The following TMEM135 variants were observed in gnomAD, a reference collection of about 807,000 sequenced individuals.
The protein encoded by TMEM135 is peroxisomal membrane protein 52.
In TMEM135, 30 loss-of-function variants were observed where a neutral mutation model predicts 60.3. The observed-to-expected ratio is 0.50, with a 90% confidence interval of 0.37 to 0.68. TMEM135 has a LOEUF of 0.68. TMEM135 is among the 30% of genes least tolerant of loss of function. TMEM135 has a pLI of 0.00. For missense variants in TMEM135, 468 were observed against 548.8 expected, an observed-to-expected ratio of 0.85 and a Z score of 1.47; for synonymous variants, 190 against 186.7, an observed-to-expected ratio of 1.02 and a Z score of -0.14.
At chr11:87,168,159 C>G (rs548159267) in intron 5 of TMEM135, among the ~76,000 whole-genome samples, 1 of 152,198 alleles carries the variant, frequency 6.6e-6, no homozygotes, top group African/African-American at 2.4e-5. Flanking sequence ...GGTGATATCT[C>G]TTTTATCTTT....
intron 4 of TMEM135, among the ~76,000 whole-genome samples, chr11:87,093,442 C>G (rs1857254489): frequency 6.6e-6 from 1 of 152,088 alleles, no homozygotes; most frequent in Non-Finnish European, 1.5e-5. Context: ...GACTCTTGGG[C>G]TCGAGTGATC....
chr11:87,081,405 G>C (rs1205047759), intron 3 of TMEM135, among the ~76,000 whole-genome samples: 1 of 150,824 alleles, frequency 6.6e-6, no homozygotes, highest in Non-Finnish European at 1.5e-5. Flanking sequence ...GTTTCTTAAT[G>C]TTACCATTTT....
At chr11:87,057,909 G>T (rs964503751) in intron 1 of TMEM135, among the ~76,000 whole-genome samples, 1 of 152,106 alleles carries the variant, frequency 6.6e-6, no homozygotes, top group Non-Finnish European at 1.5e-5. Flanking sequence ...GACCCAGAGA[G>T]CCAATGTGTA....
intron 1 of TMEM135, among the ~76,000 whole-genome samples, chr11:87,042,312 G>C (rs1949757006): frequency 6.6e-6 from 1 of 152,168 alleles, no homozygotes; most frequent in African/African-American, 2.4e-5. Flanking sequence ...TTTCTTTTGA[G>C]TATGGGGCAG....
intron 4 of TMEM135, among the ~76,000 whole-genome samples, chr11:87,120,448 A>G (rs1858022258): frequency 6.7e-6 from 1 of 149,166 alleles, no homozygotes; most frequent in Admixed American, 6.8e-5. Flanking sequence ...CTTGTATAAT[A>G]AAATATAGCA....
intron 3 of TMEM135, among the ~76,000 whole-genome samples, chr11:87,085,717 G>A (rs1422858264): frequency 3.5e-4 from 53 of 152,018 alleles, no homozygotes; most frequent in Non-Finnish European, 2.8e-4. Context: ...AGATTGAACC[G>A]CTGCACTCCA....
At chr11:87,259,406 G>A (rs7101945) in intron 6 of TMEM135, 85,424 of 239,770 alleles carry the variant, frequency 0.36, 16,043 homozygotes, top group Non-Finnish European at 0.42. Flanking sequence ...ATGTGTGTAC[G>A]CGTGTAGAGC....
intron 5 of TMEM135, among the ~76,000 whole-genome samples, chr11:87,182,402 A>G (rs568436570): frequency 2.6e-5 from 4 of 152,246 alleles, no homozygotes; most frequent in East Asian, 1.9e-4. Context: ...TAATAATTGT[A>G]TATACCTAGT....
At chr11:87,258,266 A>C (rs1329916356) in intron 6 of TMEM135, among the ~76,000 whole-genome samples, 2 of 151,930 alleles carry the variant, frequency 1.3e-5, no homozygotes, top group Non-Finnish European at 2.9e-5. Flanking sequence ...TCTTTTTTTA[A>C]ACACACACAC....
At chr11:87,066,779 C>CTTTTTTTTTTTTTTTT (rs201355341) in intron 1 of TMEM135, among the ~76,000 whole-genome samples, 1 of 129,178 alleles carries the variant, frequency 7.7e-6, no homozygotes, top group African/African-American at 3.0e-5. Flanking sequence ...TTACTAGATT[C>CTTTTTTTTTTTTTTTT]TTTCTTTTTT....
chr11:87,309,695 G>T, intron 10 of TMEM135, 23 bp downstream of exon 10: 1 of 1,608,922 alleles, frequency 6.2e-7, no homozygotes, highest in South Asian at 1.1e-5. Context: ...GAAGAGGAAA[G>T]AAAAATGGGA....
intron 4 of TMEM135, among the ~76,000 whole-genome samples, chr11:87,154,699 G>T (rs926005225): frequency 6.6e-6 from 1 of 152,138 alleles, no homozygotes; most frequent in African/African-American, 2.4e-5. Flanking sequence ...TCTCACTGTG[G>T]TTTTGATTTG....
chr11:87,097,276 C>T (rs1003403287), intron 4 of TMEM135, among the ~76,000 whole-genome samples: 5 of 152,100 alleles, frequency 3.3e-5, no homozygotes, highest in African/African-American at 7.2e-5. Context: ...GGATTACAGG[C>T]GTGAGCCACC....
intron 5 of TMEM135, among the ~76,000 whole-genome samples, chr11:87,178,987 T>C (rs1444811770): frequency 1.3e-5 from 2 of 152,186 alleles, no homozygotes; most frequent in African/African-American, 4.8e-5. Context: ...CATTTTACAT[T>C]GCCACTTGGC....
intron 4 of TMEM135, among the ~76,000 whole-genome samples, chr11:87,140,367 G>A (rs939713113): frequency 6.6e-6 from 1 of 152,106 alleles, no homozygotes; most frequent in African/African-American, 2.4e-5. Context: ...ACGCCCAGCT[G>A]CTTTTTCATT....
At chr11:87,176,231 C>T (rs1040247485) in intron 5 of TMEM135, among the ~76,000 whole-genome samples, 5 of 152,036 alleles carry the variant, frequency 3.3e-5, no homozygotes, top group East Asian at 3.9e-4. Context: ...TGTTAGTTCC[C>T]GTGAGAGCTG....
At chr11:87,240,258 C>T (rs1941100371) in intron 6 of TMEM135, among the ~76,000 whole-genome samples, 1 of 152,014 alleles carries the variant, frequency 6.6e-6, no homozygotes, top group South Asian at 2.1e-4. Flanking sequence ...TTTGTATAAT[C>T]TTAGTGGGCA....
At chr11:87,134,766 G>A (rs550341602) in intron 4 of TMEM135, among the ~76,000 whole-genome samples, 340 of 152,280 alleles carry the variant, frequency 2.2e-3, no homozygotes, top group African/African-American at 5.0e-3. Flanking sequence ...GACTACAGGC[G>A]TGTGCAACTG....
chr11:87,064,872 G>A (rs1454825080), intron 1 of TMEM135, among the ~76,000 whole-genome samples: 2 of 152,046 alleles, frequency 1.3e-5, no homozygotes, highest in East Asian at 1.9e-4. Context: ...GCAACAGAGC[G>A]AGACTTTGTC....
Sources: gnomAD v4.1 joint callset for allele counts (sites outside exome capture counted in the v4.1 genomes callset) on GRCh38, gnomAD v4.1.1 for gene constraint, MANE v1.5 for transcripts, NCBI Gene and HGNC (gene_info 2026-07-23, HGNC 2026-07-21) for gene names.